The following GALNT9 variants were observed in gnomAD, a reference collection of about 807,000 sequenced individuals.
GALNT9 encodes GalNAc transferase 9.
GALNT9 carries 47 observed loss-of-function variants against 63.1 expected under a neutral mutation model. The observed-to-expected ratio is 0.75, with a 90% CI of 0.59 to 0.95. GALNT9 has a LOEUF of 0.95. GALNT9 is among the 40% of genes least tolerant of loss of function. The pLI is 0.00. For missense variants in GALNT9, 829 were observed against 874.8 expected (o/e 0.95, Z 0.66); for synonymous variants, 396 against 365.7 (o/e 1.08, Z -0.94).
intron 6 of GALNT9, among the ~76,000 whole-genome samples, chr12:132,243,304 TAC>T: frequency 1.4e-5 from 2 of 143,232 alleles, no homozygotes; most frequent in Non-Finnish European, 3.0e-5. Flanking sequence ...GCCCTCCCTA[TAC>T]CCATTACACA....
chr12:132,205,662 C>G (rs926990371), intron 6 of GALNT9: 3 of 152,318 alleles, frequency 2.0e-5, no homozygotes, highest in African/African-American at 7.2e-5. Flanking sequence ...GTTTCTGCAT[C>G]AGGTTCACAT....
intron 2 of GALNT9, chr12:132,275,979 G>A (rs1880071347): frequency 6.6e-6 from 1 of 152,418 alleles, no homozygotes; most frequent in Non-Finnish European, 1.5e-5. Context: ...TTTCTGCTTA[G>A]AGAGTCCAGG....
chr12:132,282,409 GTGCGTGTGTGTGCGTGTGTGCGTGCA>G lies in GALNT9; in HGVS notation c.419+3815_419+3840del, dbSNP rs1376435171. 1.3e-5 allele frequency among the ~76,000 whole-genome samples: 2 copies of G among 148,380 alleles called. No individual in the cohort carries two copies. Among genetic ancestry groups the G allele is most frequent in the South Asian group, 2.6e-4 (1 of 3,830 alleles). ...ACTAAAAATACGTGTGTGCGCGTGT[GTGCGTGTGTGTGCGTGTGTGCGTGCA>G]TGCGTGTGTGTGCGTGTGCATGTGT... On this transcript the variant is annotated intron_variant, in intron 2 of 10. Coordinates refer to ENST00000328957, the MANE Select transcript of GALNT9 (RefSeq NM_001122636.2). This position sits in a 1 kb window ranked among gnomAD's most constrained non-coding sequence, Gnocchi z 4.5.
In GALNT9 at chr12:132,296,300, C is replaced by A. The variant is rs1881075384; in HGVS notation, c.239-9870G>T. Reference sequence around the variant, plus strand: ...CAGCCTCATGCTCACGCCAGCCGTCCAGCCCACTCAGACCAGCGGACACAG... The same window carrying A: ...CAGCCTCATGCTCACGCCAGCCGTCAAGCCCACTCAGACCAGCGGACACAG... On this transcript the variant is annotated intron_variant, in intron 1 of 10. Coordinates refer to ENST00000328957, the MANE Select transcript of GALNT9 (RefSeq NM_001122636.2). This position sits in a 1 kb window ranked among gnomAD's most constrained non-coding sequence, Gnocchi z 4.2. Among the ~76,000 whole-genome samples the A allele has an allele frequency of 6.6e-6, 1 of 152,252 alleles. No homozygotes were observed. The highest frequency in any genetic ancestry group is 6.5e-5 in the Admixed American group (1 of 15,290).
At position 132,265,449 on chromosome 12, in the gene GALNT9, T is replaced by C. The variant is rs1185923798; in HGVS notation, c.420-2824A>G. Among the ~76,000 whole-genome samples the C allele has an allele frequency of 2.6e-5, 4 of 152,200 alleles. No homozygotes were observed. The highest frequency in any genetic ancestry group is 9.7e-5 in the African/African-American group (4 of 41,444). On this transcript the variant is annotated intron_variant, in intron 2 of 10. Transcript: ENST00000328957. The surrounding 1 kb of genome is among the most constrained non-coding windows in gnomAD (Gnocchi z 5.3). ...TTAATCTCAGAAGGGCCTGTCCTCA[T>C]GTGACTTATTGCAACTAGGATCTTT...
intron 2 of GALNT9, among the ~76,000 whole-genome samples, chr12:132,268,230 C>A (rs1021651928): frequency 3.3e-5 from 5 of 151,910 alleles, no homozygotes; most frequent in Non-Finnish European, 5.9e-5. Context: ...CACACACACT[C>A]ATACCCACAC....
Position 132,257,684 on chromosome 12 carries a change from C to T in GALNT9, c.959+5G>A. 3.2e-6 allele frequency: 5 copies of T among 1,547,046 alleles called. No individual in the cohort carries two copies. The highest frequency in any genetic ancestry group is 4.4e-6 in the Non-Finnish European group (5 of 1,144,924). ...CCGCCCTCGACCCCTGAGGGCGCAG[C>T]TCACCTGATGGGTGCTGACTCGTCG... On this transcript the variant is annotated splice_donor_5th_base_variant and intron_variant, in intron 5 of 10. Coordinates refer to ENST00000328957, the MANE Select transcript of GALNT9 (RefSeq NM_001122636.2).
rs1422943231 is a variant in GALNT9, at chr12:132,319,868, A to G, written c.238+9098T>C. On this transcript the variant is annotated intron_variant, in intron 1 of 10. Transcript: ENST00000328957. The surrounding 1 kb of genome is among the most constrained non-coding windows in gnomAD (Gnocchi z 5.2). Reference sequence around the variant, plus strand: ...TTCCTGTAGAACCTGTGTCTTCTCCACCCTCAGCCTCCGGAGGTTCGGAGG... The same window carrying G: ...TTCCTGTAGAACCTGTGTCTTCTCCGCCCTCAGCCTCCGGAGGTTCGGAGG... 6.6e-6 allele frequency among the ~76,000 whole-genome samples: 1 copy of G among 152,008 alleles called. No homozygotes were observed. The highest frequency in any genetic ancestry group is 1.5e-5 in the Non-Finnish European group (1 of 67,978).
At chr12:132,287,868 C>T (rs2135563696) in intron 1 of GALNT9, among the ~76,000 whole-genome samples, 1 of 152,146 alleles carries the variant, frequency 6.6e-6, no homozygotes, top group African/African-American at 2.4e-5. Flanking sequence ...ACAAAGATGG[C>T]ACCATTGGCT....
In GALNT9 at chr12:132,329,112, T is replaced by C; in HGVS notation, c.92A>G (p.Gln31Arg). The C allele has an allele frequency of 6.5e-7, 1 of 1,549,492 alleles. No individual in the cohort carries two copies. The highest frequency in any genetic ancestry group is 1.2e-5 in the South Asian group (1 of 84,032). The change falls in exon 1 of 11, where the codon CAG becomes CGG. Residue 31 changes from glutamine to arginine, a missense_variant. Physicochemically the swap from Gln to Arg is conservative, Grantham distance 43 (BLOSUM62 1). Transcript: ENST00000328957. ...GCGCACGAGCTCCTGGGAGCGGCCC[T>C]GCAGGCGGCAGTACACGGAGAACAG... ...IVLFSVYCRL[Q>R]GRSQELVRIV...
intron 5 of GALNT9, among the ~76,000 whole-genome samples, chr12:132,248,967 C>T (rs1227917884): frequency 6.6e-6 from 1 of 152,152 alleles, no homozygotes; most frequent in African/African-American, 2.4e-5. Context: ...CAGAGTGGAG[C>T]GGGAGGATAA....
In GALNT9 at chr12:132,262,446, C is replaced by T. The variant is rs1879431437; in HGVS notation, c.586+13G>A. ...CGCCCGGCGAGCACCGTGCCGAGGC[C>T]CCGCCCACTCACCGTTGTCACTGTT... On this transcript the variant is annotated intron_variant, in intron 3 of 10. Transcript: ENST00000328957. 1.9e-6 allele frequency: 3 copies of T among 1,546,840 alleles called. No individual in the cohort carries two copies. In the Admixed American group the frequency reaches 5.9e-5, roughly 30 times the overall value.
At chr12:132,267,766 TGCACTCACACACACG>T (rs1879667145) in intron 2 of GALNT9, among the ~76,000 whole-genome samples, 19 of 139,886 alleles carry the variant, frequency 1.4e-4, no homozygotes, top group African/African-American at 5.3e-4. Context: ...CACACACACA[TGCACTCACACACACG>T]CACACACACG....
At chr12:132,321,164 G>A (rs889299868) in intron 1 of GALNT9, among the ~76,000 whole-genome samples, 7 of 152,120 alleles carry the variant, frequency 4.6e-5, no homozygotes, top group African/African-American at 1.2e-4. Context: ...CCCTGACTGA[G>A]GGTGCCTGTG....
At chr12:132,218,245 G>C (rs1380486144) in intron 6 of GALNT9, among the ~76,000 whole-genome samples, 1 of 152,316 alleles carries the variant, frequency 6.6e-6, no homozygotes, top group South Asian at 2.1e-4. Flanking sequence ...CAACCTTAGA[G>C]GCCAAGCAAG....
chr12:132,291,503 C>T (rs1291943064), intron 1 of GALNT9, among the ~76,000 whole-genome samples: 5 of 149,208 alleles, frequency 3.4e-5, no homozygotes, highest in East Asian at 2.0e-4. Flanking sequence ...ACAGCGCCCA[C>T]GTCCACACCA....
rs1224519380 is a variant in GALNT9, at chr12:132,316,804, G to C, written c.238+12162C>G. ...TCGGACCCATAGGGACATTTGGTGAGACCTGGGCAGGTTTGGCTGTCACAC... is the reference window on the plus strand; with the variant it reads ...TCGGACCCATAGGGACATTTGGTGACACCTGGGCAGGTTTGGCTGTCACAC... On this transcript the variant is annotated intron_variant, in intron 1 of 10. Coordinates refer to ENST00000328957, the MANE Select transcript of GALNT9 (RefSeq NM_001122636.2). The surrounding 1 kb of genome is among the most constrained non-coding windows in gnomAD (Gnocchi z 4.3). Among the ~76,000 whole-genome samples, 1 of 152,026 alleles carries C rather than the reference G, an allele frequency of 6.6e-6. No homozygotes were observed. The highest frequency in any genetic ancestry group is 1.5e-5 in the Non-Finnish European group (1 of 67,978).
Position 132,327,041 on chromosome 12 carries a change from G to A in GALNT9, c.238+1925C>T, listed in dbSNP as rs1174412952. On this transcript the variant is annotated intron_variant, in intron 1 of 10. Coordinates refer to ENST00000328957, the MANE Select transcript of GALNT9 (RefSeq NM_001122636.2). The surrounding 1 kb of genome is among the most constrained non-coding windows in gnomAD (Gnocchi z 4.3). ...TGGCCTGCTGGTCACAGAGAGGAACGCAGCACAGCCTCATCACAGAGGGGG... is the reference window on the plus strand; with the variant it reads ...TGGCCTGCTGGTCACAGAGAGGAACACAGCACAGCCTCATCACAGAGGGGG... Among the ~76,000 whole-genome samples, 3 of 152,176 alleles carry A rather than the reference G, an allele frequency of 2.0e-5. No homozygotes were observed. The highest frequency in any genetic ancestry group is 4.8e-5 in the African/African-American group (2 of 41,444).
At chr12:132,198,688 G>A (rs906931666) in intron 9 of GALNT9, among the ~76,000 whole-genome samples, 4 of 152,234 alleles carry the variant, frequency 2.6e-5, no homozygotes, top group East Asian at 1.9e-4. Flanking sequence ...ATACGGTCTC[G>A]CTCTGTTGCC....
Sources: allele counts gnomAD v4.1 joint callset (sites outside exome capture counted in the v4.1 genomes callset), GRCh38; gene constraint gnomAD v4.1.1; non-coding constraint Gnocchi (gnomAD v3.1); transcripts MANE v1.5; gene names NCBI Gene and HGNC (gene_info 2026-07-23, HGNC 2026-07-21).